Variants in FAM13A observed in about 807,000 individuals in gnomAD.
FAM13A encodes protein FAM13A.
FAM13A carries 76 observed loss-of-function variants against 129.6 expected under a neutral mutation model. That is an observed-to-expected ratio of 0.59 (90% CI 0.49 to 0.71). The LOEUF (loss-of-function observed/expected upper bound fraction) is 0.71. FAM13A is among the 30% of genes least tolerant of loss of function. The pLI, the probability that FAM13A is intolerant of heterozygous loss-of-function variation, is 0.00. For synonymous variants in FAM13A, 443 were observed against 449.9 expected (o/e 0.98, Z 0.20); for missense variants, 1,108 against 1,249.3 (o/e 0.89, Z 1.70).
intron 7 of FAM13A, among the ~76,000 whole-genome samples, chr4:88,850,661 G>T (rs971175169): frequency 6.6e-6 from 1 of 152,172 alleles, no homozygotes; most frequent in African/African-American, 2.4e-5. Flanking sequence ...AAATTAGTTT[G>T]TGAGAGTTGG....
intron 3 of FAM13A, among the ~76,000 whole-genome samples, chr4:89,003,199 C>A (rs1317412697): frequency 1.3e-5 from 2 of 151,360 alleles, no homozygotes; most frequent in African/African-American, 2.4e-5. Context: ...ATAAAAAGGG[C>A]CCCAAAGAGG....
intron 3 of FAM13A, among the ~76,000 whole-genome samples, chr4:88,994,207 C>T (rs137945056): frequency 6.0e-4 from 92 of 152,224 alleles, no homozygotes; most frequent in African/African-American, 2.1e-3. Flanking sequence ...AGCAGCACAC[C>T]TACATTTATA....
intron 3 of FAM13A, among the ~76,000 whole-genome samples, chr4:89,012,003 T>C (rs1019107135): frequency 2.0e-5 from 3 of 152,182 alleles, no homozygotes; most frequent in Non-Finnish European, 2.9e-5. Context: ...CTAAAAAAAA[T>C]ACTGATGGAT....
At chr4:88,903,709 A>C (rs562217012) in intron 6 of FAM13A, among the ~76,000 whole-genome samples, 1 of 152,178 alleles carries the variant, frequency 6.6e-6, no homozygotes, top group South Asian at 2.1e-4. Context: ...TCAGGACATA[A>C]GCATGGGCAA....
intron 6 of FAM13A, among the ~76,000 whole-genome samples, chr4:88,895,591 C>T (rs1295341185): frequency 6.7e-6 from 1 of 148,478 alleles, no homozygotes; most frequent in Admixed American, 6.8e-5. Flanking sequence ...CAAACAACCC[C>T]ATCAAAAAGT....
intron 4 of FAM13A, among the ~76,000 whole-genome samples, chr4:88,952,057 T>C (rs1200591975): frequency 1.3e-5 from 2 of 152,216 alleles, no homozygotes; most frequent in Non-Finnish European, 2.9e-5. Flanking sequence ...GTGTAAAACA[T>C]AGTGTAAAGA....
chr4:88,737,339 G>A, intron 21 of FAM13A, 133 bp downstream of exon 21: 3 of 727,456 alleles, frequency 4.1e-6, no homozygotes, highest in Non-Finnish European at 7.4e-6. Context: ...TGTAGCTACT[G>A]ATTTTTAGGG....
intron 6 of FAM13A, among the ~76,000 whole-genome samples, chr4:88,851,550 A>T (rs1423992952): frequency 6.6e-6 from 1 of 152,166 alleles, no homozygotes; most frequent in Non-Finnish European, 1.5e-5. Context: ...GAAATAAAAA[A>T]TAGTTGGAAG....
intron 1 of FAM13A, among the ~76,000 whole-genome samples, chr4:89,050,292 C>T (rs1771404701): frequency 1.3e-5 from 2 of 151,928 alleles, no homozygotes; most frequent in Admixed American, 6.6e-5. Context: ...GCAACCCTGC[C>T]CCTGGGTTCA....
chr4:89,056,577 C>T (rs2670624), intron 1 of FAM13A, among the ~76,000 whole-genome samples: 91,390 of 152,018 alleles, frequency 0.6, 28,136 homozygotes, highest in Middle Eastern at 0.69. Flanking sequence ...TTCAATTCCT[C>T]CTCAAGCTAG....
chr4:88,816,092 C>T (rs1447913112), intron 7 of FAM13A, among the ~76,000 whole-genome samples: 1 of 151,882 alleles, frequency 6.6e-6, no homozygotes, highest in East Asian at 1.9e-4. Context: ...CTTTTATCCT[C>T]TCTATCATTA....
intron 6 of FAM13A, among the ~76,000 whole-genome samples, chr4:88,875,763 C>G (rs1561224054): frequency 6.6e-6 from 1 of 152,150 alleles, no homozygotes; most frequent in Non-Finnish European, 1.5e-5. Flanking sequence ...ACTAGAAATA[C>G]CATTCGACCC....
At chr4:88,850,944 ATACC>A in intron 7 of FAM13A, 72 bp downstream of exon 7, 2 of 1,324,392 alleles carry the variant, frequency 1.5e-6, no homozygotes, top group Non-Finnish European at 1.1e-6. Flanking sequence ...CAATGCAGAA[ATACC>A]TACATATGCG....
chr4:89,006,423 G>A (rs945971894), intron 3 of FAM13A, among the ~76,000 whole-genome samples: 1 of 152,170 alleles, frequency 6.6e-6, no homozygotes, highest in Non-Finnish European at 1.5e-5. Flanking sequence ...GCTATTGAGA[G>A]GGAAGAATTC....
intron 11 of FAM13A, among the ~76,000 whole-genome samples, chr4:88,771,016 G>A (rs1720567801): frequency 6.6e-6 from 1 of 152,092 alleles, no homozygotes; most frequent in South Asian, 2.1e-4. Flanking sequence ...GTGCACATTT[G>A]AGACTGCTGA....
Position 88,760,459 on chromosome 4 carries a change from CCGGGCGTGGTGG to C in FAM13A, c.1579-1570_1579-1559del, listed in dbSNP as rs1372866727. On this transcript the variant is annotated intron_variant, in intron 13 of 23. Transcript: ENST00000264344. ...CTCTACTAAAAATACAAAAAATTAG[CCGGGCGTGGTGG>C]CGGGCGCCTGTGGTCCCGGCTACTC... Among the ~76,000 whole-genome samples, 2 of 78,022 alleles carry C rather than the reference CCGGGCGTGGTGG, an allele frequency of 2.6e-5. 1 individual carries two copies. Among genetic ancestry groups the C allele is most frequent in the Admixed American group, 2.4e-4 (2 of 8,178 alleles). 51.2% of individuals were successfully genotyped at this position (78,022 alleles called of 152,430 possible).
rs138873294 is a variant in FAM13A, at chr4:88,750,528, G to C, written c.1836C>G (p.Ser612Arg). Residue 612 changes from serine to arginine, a missense_variant, in exon 15 of 24, where the codon AGC becomes AGG. Coordinates refer to ENST00000264344, the MANE Select transcript of FAM13A (RefSeq NM_014883.4). Reference sequence around the variant, plus strand: ...AGAACCGAGGAGAGAGCATGGGGTCGCTGTCTTCGTCCAGCAGCTGACGGA... The same window carrying C: ...AGAACCGAGGAGAGAGCATGGGGTCCCTGTCTTCGTCCAGCAGCTGACGGA... Reference protein sequence around the residue: ...RLIRQLLDEDSDPMLSPRFYA... With the variant: ...RLIRQLLDEDRDPMLSPRFYA... 1 of 1,614,020 alleles carries C rather than the reference G, an allele frequency of 6.2e-7. No individual in the cohort carries two copies. The highest frequency in any genetic ancestry group is 1.3e-5 in the African/African-American group (1 of 74,912).
intron 3 of FAM13A, among the ~76,000 whole-genome samples, chr4:89,001,050 T>C (rs1239447199): frequency 1.3e-5 from 2 of 152,244 alleles, no homozygotes; most frequent in Admixed American, 6.5e-5. Context: ...CCTCACCCAC[T>C]AGTTAATACT....
intron 3 of FAM13A, among the ~76,000 whole-genome samples, chr4:89,006,338 G>A (rs1216463625): frequency 2.0e-5 from 3 of 152,218 alleles, no homozygotes; most frequent in Admixed American, 6.5e-5. Context: ...TAAATATTTA[G>A]TATGTGACTG....
Sources: gnomAD v4.1 joint callset for allele counts (sites outside exome capture counted in the v4.1 genomes callset) on GRCh38, gnomAD v4.1.1 for gene constraint, MANE v1.5 for transcripts, NCBI Gene and HGNC (gene_info 2026-07-23, HGNC 2026-07-21) for gene names.